DPYD: variants seen among roughly 807,000 people sequenced by gnomAD.
DPYD encodes dihydropyrimidine dehydrogenase [NADP(+)].
In DPYD, 109 loss-of-function variants were observed where a neutral mutation model predicts 116.2. That is an observed-to-expected ratio of 0.94 (90% confidence interval 0.80 to 1.10). The LOEUF is 1.10. Among genes scored for constraint, DPYD ranks in the 50% least tolerant of loss-of-function variants. The pLI is 0.00. For synonymous variants in DPYD, 440 were observed against 432.0 expected (o/e 1.02, Z -0.23); for missense variants, 1,302 against 1,254.5 (o/e 1.04, Z -0.57).
intron 14 of DPYD, among the ~76,000 whole-genome samples, chr1:97,424,315 A>G (rs1674746011): frequency 6.6e-6 from 1 of 152,080 alleles, no homozygotes. Flanking sequence ...AGAAATAACC[A>G]TAATGCTGCA....
chr1:97,355,610 T>C (rs1670390134), intron 16 of DPYD, among the ~76,000 whole-genome samples: 1 of 152,178 alleles, frequency 6.6e-6, no homozygotes, highest in Non-Finnish European at 1.5e-5. Context: ...TAATCACCAT[T>C]CTACTTTCTG....
intron 20 of DPYD, among the ~76,000 whole-genome samples, chr1:97,177,245 T>G (rs1657345959): frequency 6.6e-6 from 1 of 152,098 alleles, no homozygotes; most frequent in Admixed American, 6.6e-5. Flanking sequence ...TTGAAAGAAA[T>G]AATAGAGAAA....
intron 16 of DPYD, among the ~76,000 whole-genome samples, chr1:97,338,975 A>AGTATT (rs2101212738): frequency 6.6e-6 from 1 of 152,294 alleles, no homozygotes; most frequent in African/African-American, 2.4e-5. Flanking sequence ...CAATGTAATG[A>AGTATT]GTATTCTCAA....
chr1:97,903,155 TTAAG>T (rs946137216), intron 1 of DPYD, among the ~76,000 whole-genome samples: 13 of 151,836 alleles, frequency 8.6e-5, no homozygotes, highest in Non-Finnish European at 1.3e-4. Flanking sequence ...TTGTTAAGAT[TTAAG>T]TAAGAAAAGG....
chr1:97,646,855 G>C (rs886143410), intron 8 of DPYD, among the ~76,000 whole-genome samples: 14 of 152,032 alleles, frequency 9.2e-5, no homozygotes, highest in African/African-American at 3.1e-4. Context: ...TATTTGTACT[G>C]GATTACTTGA....
chr1:97,269,183 C>T lies in DPYD; in HGVS notation c.2300-34189G>A, dbSNP rs561735715. 4.6e-5 allele frequency among the ~76,000 whole-genome samples: 7 copies of T among 152,274 alleles called. No homozygotes were observed. The South Asian group carries it at 1.5e-3, about 32-fold the overall frequency. Reference sequence around the variant, plus strand: ...GCAACTGCACAAGGATAGCTTTTTACTCAAGTCTCCAATACCACATTCGTT... The same window carrying T: ...GCAACTGCACAAGGATAGCTTTTTATTCAAGTCTCCAATACCACATTCGTT... On this transcript the variant is annotated intron_variant, in intron 18 of 22. Transcript: ENST00000370192.
chr1:97,909,358 T>C (rs1412005810), intron 1 of DPYD, among the ~76,000 whole-genome samples: 4 of 152,112 alleles, frequency 2.6e-5, no homozygotes, highest in African/African-American at 9.7e-5. Context: ...ATCCTGTCTA[T>C]GTCTTTCAAC....
At chr1:97,779,295 T>C (rs1412832582) in intron 3 of DPYD, among the ~76,000 whole-genome samples, 1 of 108,188 alleles carries the variant, frequency 9.2e-6, no homozygotes, top group Admixed American at 1.2e-4. Context: ...CTCTATAATT[T>C]TGCAAACACA....
At chr1:97,533,508 A>T (rs528158311) in intron 12 of DPYD, among the ~76,000 whole-genome samples, 255 of 152,298 alleles carry the variant, frequency 1.7e-3, no homozygotes, top group African/African-American at 5.9e-3. Context: ...TGCTGACAAG[A>T]TGTCAATGAC....
chr1:97,871,749 C>T lies in DPYD; in HGVS notation c.150+11515G>A, dbSNP rs577389074. ...GCAATAGAGGAAATATTCTGTCTTC[C>T]ATTACCATCCTCAGTATCTTGCTGC... On this transcript the variant is annotated intron_variant, in intron 2 of 22. Transcript: ENST00000370192. 2.0e-5 allele frequency among the ~76,000 whole-genome samples: 3 copies of T among 151,814 alleles called. 1 individual carries two copies. The highest frequency in any genetic ancestry group is 7.2e-5 in the African/African-American group (3 of 41,464).
chr1:97,078,885 T>C lies in DPYD; in HGVS notation c.*91A>G. On this transcript the variant is annotated 3_prime_UTR_variant, in exon 23 of 23. Transcript: ENST00000370192. ...TTAGAAAATGTATATTTGTTTTAAT[T>C]TGGAAAGAGCTGAACACAAGGATCA... is the stretch of plus-strand genomic sequence containing the variant. 7.0e-7 allele frequency: 1 copy of C among 1,425,696 alleles called. No homozygotes were observed. Among genetic ancestry groups the C allele is most frequent in the South Asian group, 1.2e-5 (1 of 85,768 alleles). 88.3% of individuals were successfully genotyped at this position (1,425,696 alleles called of 1,614,324 possible).
At chr1:97,610,497 A>C (rs568297000) in intron 8 of DPYD, among the ~76,000 whole-genome samples, 1 of 152,178 alleles carries the variant, frequency 6.6e-6, no homozygotes, top group East Asian at 1.9e-4. Flanking sequence ...GATTTAATTC[A>C]ACTGGCATTT....
Position 97,095,389 on chromosome 1 carries a change from G to A in DPYD, c.2766+3100C>T, listed in dbSNP as rs563100019. ...TTAAAATGCAAATATTGAGGTCTTGGAACAACTGTCTATTTGGAAAAAAAT... is the reference window on the plus strand; with the variant it reads ...TTAAAATGCAAATATTGAGGTCTTGAAACAACTGTCTATTTGGAAAAAAAT... On this transcript the variant is annotated intron_variant, in intron 21 of 22. Transcript: ENST00000370192. Among the ~76,000 whole-genome samples, 6 of 152,058 alleles carry A rather than the reference G, an allele frequency of 3.9e-5. No individual in the cohort carries two copies. The South Asian group carries it at 1.2e-3, about 32-fold the overall frequency.
intron 4 of DPYD, among the ~76,000 whole-genome samples, chr1:97,735,282 C>G (rs1049830117): frequency 6.6e-6 from 1 of 152,074 alleles, no homozygotes; most frequent in African/African-American, 2.4e-5. Flanking sequence ...ACACAAAGCA[C>G]TCAGTGGAGG....
intron 16 of DPYD, among the ~76,000 whole-genome samples, chr1:97,331,817 C>T (rs1315401546): frequency 6.6e-6 from 1 of 152,084 alleles, no homozygotes; most frequent in African/African-American, 2.4e-5. Flanking sequence ...ATAAAGAATG[C>T]TTGTGATTTT....
chr1:97,454,060 C>T (rs1676559473), intron 13 of DPYD, among the ~76,000 whole-genome samples: 1 of 151,966 alleles, frequency 6.6e-6, no homozygotes, highest in Non-Finnish European at 1.5e-5. Flanking sequence ...TTGTTAGCAT[C>T]ATAGAAATTC....
At chr1:97,248,479 T>C (rs1662870713) in intron 18 of DPYD, among the ~76,000 whole-genome samples, 1 of 152,198 alleles carries the variant, frequency 6.6e-6, no homozygotes, top group Non-Finnish European at 1.5e-5. Context: ...TAAACCTCTT[T>C]CTTTGGAAAT....
At chr1:97,381,299 G>C (rs72728435) in intron 15 of DPYD, among the ~76,000 whole-genome samples, 39,374 of 151,956 alleles carry the variant, frequency 0.26, 5,339 homozygotes, top group South Asian at 0.42. Context: ...AAAAAGTAAT[G>C]TTGTCTATTT....
intron 18 of DPYD, among the ~76,000 whole-genome samples, chr1:97,296,672 T>C (rs1347729887): frequency 6.6e-6 from 1 of 152,132 alleles, no homozygotes; most frequent in South Asian, 2.1e-4. Flanking sequence ...TAGGAATTTT[T>C]AAAATGTAAA....
Sources: allele counts gnomAD v4.1 joint callset (sites outside exome capture counted in the v4.1 genomes callset), GRCh38; gene constraint gnomAD v4.1.1; transcripts MANE v1.5; gene names NCBI Gene and HGNC (gene_info 2026-07-23, HGNC 2026-07-21).